Variants in SEC24D observed in about 807,000 individuals in gnomAD.
SEC24D encodes the protein protein transport protein Sec24D.
SEC24D carries 69 observed loss-of-function variants against 116.9 expected under a neutral mutation model. That is an observed-to-expected ratio of 0.59 (90% CI 0.49 to 0.72). The LOEUF (loss-of-function observed/expected upper bound fraction) is 0.72. Ranked by LOEUF, SEC24D falls within the 30% of genes least tolerant of loss-of-function variation. SEC24D has a pLI of 0.00. For missense variants in SEC24D, 1,131 were observed against 1,264.1 expected (o/e 0.89, Z 1.60); for synonymous variants, 405 against 442.8 (o/e 0.91, Z 1.07).
chr4:118,820,417 G>A (rs1730352169), intron 3 of SEC24D, among the ~76,000 whole-genome samples: 1 of 152,134 alleles, frequency 6.6e-6, no homozygotes, highest in South Asian at 2.1e-4. Flanking sequence ...GTGACCTCGT[G>A]ATCCGCCCGC....
At chr4:118,742,233 T>A (rs1292840962) in intron 15 of SEC24D, among the ~76,000 whole-genome samples, 1 of 151,016 alleles carries the variant, frequency 6.6e-6, no homozygotes, top group African/African-American at 2.4e-5. Flanking sequence ...TGCCTACACA[T>A]CACTTGGTAG....
chr4:118,746,682 G>T (rs1461418265), intron 13 of SEC24D, among the ~76,000 whole-genome samples: 3 of 152,060 alleles, frequency 2.0e-5, no homozygotes, highest in Non-Finnish European at 4.4e-5. Context: ...CCTTGGCCTG[G>T]AATCCATTTC....
At chr4:118,724,206 T>C (rs866620322) in intron 22 of SEC24D, among the ~76,000 whole-genome samples, 8 of 151,640 alleles carry the variant, frequency 5.3e-5, no homozygotes, top group African/African-American at 1.9e-4. Flanking sequence ...GGGTGGGAGA[T>C]GATCAGGTTC....
At chr4:118,816,509 G>A (rs1036729460) in intron 4 of SEC24D, among the ~76,000 whole-genome samples, 1 of 152,108 alleles carries the variant, frequency 6.6e-6, no homozygotes, top group African/African-American at 2.4e-5. Flanking sequence ...CCACCAACAT[G>A]CTCTCCAATC....
At chr4:118,801,768 G>C (rs541425245) in intron 7 of SEC24D, among the ~76,000 whole-genome samples, 407 of 152,256 alleles carry the variant, frequency 2.7e-3, no homozygotes, top group Admixed American at 4.2e-3. Context: ...GCTTCGTATA[G>C]GAAGATAATG....
intron 15 of SEC24D, among the ~76,000 whole-genome samples, chr4:118,742,626 A>C (rs1383153213): frequency 6.6e-6 from 1 of 152,234 alleles, no homozygotes; most frequent in East Asian, 1.9e-4. Flanking sequence ...GGTCTTATCA[A>C]GTCCCTTAGT....
rs977352318 is a variant in SEC24D, at chr4:118,778,727, C to T, written c.1042-10416G>A. 4.7e-4 allele frequency among the ~76,000 whole-genome samples: 72 copies of T among 152,284 alleles called. 4 individuals are homozygous for T. The highest frequency in any genetic ancestry group is 2.0e-4 in the Admixed American group (3 of 15,294). On this transcript the variant is annotated intron_variant, in intron 8 of 22. Transcript: ENST00000280551. Reference sequence around the variant, plus strand: ...ATTTTCACGATATTGATTCTTCCTACCCATGAGCATGGAATGTTCTTCCAT... The same window carrying T: ...ATTTTCACGATATTGATTCTTCCTATCCATGAGCATGGAATGTTCTTCCAT...
chr4:118,764,706 T>C (rs2110470028), intron 10 of SEC24D, 96 bp downstream of exon 10: 1 of 701,984 alleles, frequency 1.4e-6, no homozygotes, highest in African/African-American at 1.8e-5. Flanking sequence ...CCAAAATGCT[T>C]TGTTTGTGAA....
chr4:118,742,593 A>G (rs1044096880), intron 15 of SEC24D, among the ~76,000 whole-genome samples: 3 of 152,214 alleles, frequency 2.0e-5, no homozygotes, highest in Admixed American at 2.0e-4. Context: ...AGCTTTTTCA[A>G]TTTTATTTCA....
chr4:118,820,143 A>G (rs987809608), intron 3 of SEC24D, among the ~76,000 whole-genome samples: 2 of 151,950 alleles, frequency 1.3e-5, no homozygotes, highest in Non-Finnish European at 2.9e-5. Context: ...GAGGGAAGAG[A>G]TGAAAGAACA....
chr4:118,789,806 G>A (rs571607760), intron 8 of SEC24D, among the ~76,000 whole-genome samples: 283 of 152,206 alleles, frequency 1.9e-3, no homozygotes, highest in African/African-American at 6.6e-3. Flanking sequence ...GGATGGTCTT[G>A]ATCTCCTGAC....
At chr4:118,794,649 G>A (rs1407446077) in intron 8 of SEC24D, among the ~76,000 whole-genome samples, 1 of 152,170 alleles carries the variant, frequency 6.6e-6, no homozygotes, top group East Asian at 1.9e-4. Context: ...TAAGTCAGAG[G>A]CTGCACATGT....
intron 8 of SEC24D, among the ~76,000 whole-genome samples, chr4:118,785,181 C>T (rs779240632): frequency 3.3e-5 from 5 of 152,112 alleles, no homozygotes; most frequent in Non-Finnish European, 4.4e-5. Context: ...CATTTGAATA[C>T]AACAAGCTCA....
rs1337083998 is a variant in SEC24D at position 118,723,074 on chromosome 4, A to C, written c.*441T>G. The C allele has an allele frequency of 6.5e-6, 1 of 152,888 alleles. No individual in the cohort carries two copies. Among genetic ancestry groups the C allele is most frequent in the South Asian group, 2.1e-4 (1 of 4,838 alleles). 9.5% of individuals were successfully genotyped at this position (152,888 alleles called of 1,614,324 possible). On this transcript the variant is annotated 3_prime_UTR_variant, in exon 23 of 23. Coordinates refer to ENST00000280551, the MANE Select transcript of SEC24D (RefSeq NM_014822.4). ...GACCTTAAGTTGAAAAATGTGTTCAATGGAGTTACATGGTTTTAGAAAATT... is the reference window on the plus strand; with the variant it reads ...GACCTTAAGTTGAAAAATGTGTTCACTGGAGTTACATGGTTTTAGAAAATT...
At chr4:118,740,068 A>T (rs1726153217) in intron 17 of SEC24D, among the ~76,000 whole-genome samples, 1 of 152,184 alleles carries the variant, frequency 6.6e-6, no homozygotes, top group African/African-American at 2.4e-5. Context: ...AGTTCATTAG[A>T]GTGCACCCTA....
intron 22 of SEC24D, among the ~76,000 whole-genome samples, chr4:118,725,850 T>C (rs1384179358): frequency 1.3e-5 from 2 of 152,170 alleles, no homozygotes; most frequent in East Asian, 3.9e-4. Flanking sequence ...GAAGTGGTAT[T>C]GGCCTGTCTT....
intron 15 of SEC24D, 48 bp downstream of exon 15, chr4:118,743,940 A>G: frequency 6.6e-7 from 1 of 1,504,426 alleles, no homozygotes; most frequent in Non-Finnish European, 9.0e-7. Flanking sequence ...AAACAACAAA[A>G]TTAAAATGGG....
At chr4:118,781,159 G>A (rs973730620) in intron 8 of SEC24D, among the ~76,000 whole-genome samples, 2 of 152,236 alleles carry the variant, frequency 1.3e-5, no homozygotes, top group Non-Finnish European at 2.9e-5. Context: ...TTGCCCGTTA[G>A]TTGATGCAGT....
intron 2 of SEC24D, among the ~76,000 whole-genome samples, chr4:118,831,844 T>C (rs557226046): frequency 2.0e-5 from 3 of 151,938 alleles, no homozygotes; most frequent in Non-Finnish European, 4.4e-5. Context: ...AGATGGAACA[T>C]GGAGGGAGAA....
Sources: allele counts gnomAD v4.1 joint callset (sites outside exome capture counted in the v4.1 genomes callset), GRCh38; gene constraint gnomAD v4.1.1; transcripts MANE v1.5; gene names NCBI Gene and HGNC (gene_info 2026-07-23, HGNC 2026-07-21).